The following ZNF682 variants were observed in gnomAD, a reference collection of about 807,000 sequenced individuals.
ZNF682 encodes zinc finger protein 682.
A neutral mutation model predicts 36.5 loss-of-function variants in ZNF682; 29 were observed. The ratio of observed to expected loss-of-function variants is 0.80; its 90% CI spans 0.59 to 1.08. The LOEUF (loss-of-function observed/expected upper bound fraction) is 1.08. Among genes scored for constraint, ZNF682 ranks in the 50% least tolerant of loss-of-function variants. The probability of loss-of-function intolerance (pLI) is 0.00; values close to 1 mark genes in which losing one functional copy is unlikely to be tolerated. For synonymous variants in ZNF682, 180 were observed against 197.0 expected, an observed-to-expected ratio of 0.91 and a Z score of 0.72; for missense variants, 561 against 579.7, an observed-to-expected ratio of 0.97 and a Z score of 0.33.
chr19:20,006,661 C>T lies in ZNF682; in HGVS notation c.841G>A (p.Gly281Arg). 6.2e-7 allele frequency: 1 copy of T among 1,613,990 alleles called. No individual in the cohort carries two copies. The highest frequency in any genetic ancestry group is 1.3e-5 in the African/African-American group (1 of 74,996). The change falls in exon 4 of 4, where the codon GGA (glycine) becomes AGA (arginine). Residue 281 changes from glycine (G) to arginine (R), a missense_variant. By Grantham distance (125) the Gly-to-Arg change is moderately radical. Coordinates refer to ENST00000397165, the MANE Select transcript of ZNF682 (RefSeq NM_033196.3). ...PFVRHKKIHT[G>R]EKPYTCEDCG... The stretch of plus-strand genomic sequence containing the variant: ...TCTTCACATGTATAGGGTTTTTCTC[C>T]TGTATGAATTTTCTTATGTCTAACA...
downstream of ZNF682, among the ~76,000 whole-genome samples, chr19:20,002,284 A>G (rs895123494): frequency 6.1e-5 from 9 of 147,196 alleles, no homozygotes; most frequent in Non-Finnish European, 3.0e-5. Flanking sequence ...TAGTAGAGAC[A>G]GGGTTTCACC....
chr19:20,006,194 C>T lies in ZNF682; in HGVS notation c.1308G>A (p.Arg436=). The T allele has an allele frequency of 1.9e-6, 3 of 1,613,450 alleles. No individual in the cohort carries two copies. The highest frequency in any genetic ancestry group is 2.5e-6 in the Non-Finnish European group (3 of 1,179,870). ...TCTTATGTCTAGTAAGGTGTGAGCA[C>T]CGATTAAAGGCTTTTCCACATTCTT... The part of the protein sequence containing the change: ...NCEECGKAFN[R]CSHLTRHKKI... The change falls in exon 4 of 4, where the codon CGG becomes CGA. Residue 436 remains arginine (R), a synonymous_variant. Coordinates refer to ENST00000397165, the MANE Select transcript of ZNF682 (RefSeq NM_033196.3).
At chr19:19,998,618 A>T (rs375874685) in intron 3 of ZNF682, among the ~76,000 whole-genome samples, 1 of 152,196 alleles carries the variant, frequency 6.6e-6, no homozygotes, top group South Asian at 2.1e-4. Context: ...CCTCATAAGA[A>T]GCTGGACTTC....
downstream of ZNF682, among the ~76,000 whole-genome samples, chr19:20,003,583 T>C (rs2088185620): frequency 1.3e-5 from 2 of 151,778 alleles, no homozygotes; most frequent in South Asian, 4.2e-4. Flanking sequence ...TGGGCACCTG[T>C]AGTCCCAGCT....
chr19:20,005,763 T>A lies in ZNF682; in HGVS notation c.*242A>T, dbSNP rs892679550. On this transcript the variant is annotated 3_prime_UTR_variant, in exon 4 of 4. Coordinates refer to ENST00000397165, the MANE Select transcript of ZNF682 (RefSeq NM_033196.3). ...CTTTTATCTAGCACAAAACCTCTGA[T>A]GAGTAAGTTCATAGTAGTTATTAAA... 14 of 493,952 alleles carry A rather than the reference T, an allele frequency of 2.8e-5. No homozygotes were observed. The highest frequency in any genetic ancestry group is 2.7e-4 in the African/African-American group (14 of 52,018). 30.6% of individuals were successfully genotyped at this position (493,952 alleles called of 1,614,324 possible). A position where few individuals can be genotyped will look rare whatever the true frequency, so the allele number is the denominator to read the frequency against.
Position 20,005,458 on chromosome 19 carries a change from G to A in ZNF682, c.*547C>T, listed in dbSNP as rs868296959. The stretch of plus-strand genomic sequence containing the variant: ...TTTCCAATGTAAATTATCTAAAATG[G>A]AATAAAATTTGAGCAACTGTTAGAG... On this transcript the variant is annotated 3_prime_UTR_variant, in exon 4 of 4. Transcript: ENST00000397165. 1 of 152,132 alleles carries A rather than the reference G, an allele frequency of 6.6e-6. No individual in the cohort carries two copies. The highest frequency in any genetic ancestry group is 2.4e-5 in the African/African-American group (1 of 41,360). The allele number at this position is 152,132 out of a possible 1,614,324, so 9.4% of individuals were successfully genotyped here.
chr19:20,007,471 C>T, intron 3 of ZNF682, 196 bp from the exon 4 acceptor site: 1 of 535,048 alleles, frequency 1.9e-6, no homozygotes, highest in Non-Finnish European at 3.2e-6. Flanking sequence ...TGAGAAAAAG[C>T]TTAATTCAGA....
At chr19:20,022,855 G>T in intron 3 of ZNF682, 149 bp downstream of exon 3, 1 of 664,490 alleles carries the variant, frequency 1.5e-6, no homozygotes. Context: ...GACAGAAGAT[G>T]CCTCTGTACA....
At chr19:20,011,803 C>A (rs902058499) in intron 3 of ZNF682, among the ~76,000 whole-genome samples, 1 of 151,876 alleles carries the variant, frequency 6.6e-6, no homozygotes, top group East Asian at 1.9e-4. Flanking sequence ...TTTGGGAGGC[C>A]GAGGCAGGCG....
chr19:20,036,807 AAAAAAAG>A lies in ZNF682; in HGVS notation c.3+2529_3+2535del, dbSNP rs1286018822. Among the ~76,000 whole-genome samples, 8 of 62,580 alleles carry A rather than the reference AAAAAAAG, an allele frequency of 1.3e-4. 1 individual carries two copies. The highest frequency in any genetic ancestry group is 7.9e-4 in the South Asian group (1 of 1,262). The allele number at this position is 62,580 out of a possible 152,430, so 41.1% of individuals were successfully genotyped here. A position where few individuals can be genotyped will look rare whatever the true frequency, so the allele number is the denominator to read the frequency against. ...CATGGTGAGATGCTGTCTCTATAAA[AAAAAAAG>A]AAAAAAAAAAAAAAAAAAAAATTAG... is the stretch of plus-strand genomic sequence containing the variant. On this transcript the variant is annotated intron_variant, in intron 1 of 3. Coordinates refer to ENST00000397165, the MANE Select transcript of ZNF682 (RefSeq NM_033196.3).
At chr19:19,996,119 A>G (rs1209958938), downstream of ZNF682, among the ~76,000 whole-genome samples, 1 of 152,216 alleles carries the variant, frequency 6.6e-6, no homozygotes, top group Non-Finnish European at 1.5e-5. Flanking sequence ...CTCAAGCTCT[A>G]TGTCCATCTG....
intron 1 of ZNF682, among the ~76,000 whole-genome samples, chr19:20,026,170 GT>G (rs1303762906): frequency 6.6e-6 from 1 of 152,012 alleles, no homozygotes; most frequent in Non-Finnish European, 1.5e-5. Flanking sequence ...AGGTGTGGTG[GT>G]GGGCGCCTGT....
At chr19:20,014,695 G>T (rs10423682) in intron 3 of ZNF682, among the ~76,000 whole-genome samples, 12,283 of 150,750 alleles carry the variant, frequency 0.081, 1,460 homozygotes, top group African/African-American at 0.26. Context: ...CAGGGGAATC[G>T]CTTGAACCTG....
At chr19:20,036,333 C>T (rs1319479) in intron 1 of ZNF682, among the ~76,000 whole-genome samples, 125,939 of 151,904 alleles carry the variant, frequency 0.83, 52,483 homozygotes, top group Middle Eastern at 0.92. Flanking sequence ...TTCGTGTTTT[C>T]TGAGACAAAG....
chr19:20,010,579 A>G (rs900602876), intron 3 of ZNF682, among the ~76,000 whole-genome samples: 2 of 152,096 alleles, frequency 1.3e-5, no homozygotes, highest in Admixed American at 1.3e-4. Context: ...GAATCACTTG[A>G]ACCTGGGAGT....
chr19:20,023,654 T>G (rs1009240180), intron 2 of ZNF682, among the ~76,000 whole-genome samples: 2 of 151,888 alleles, frequency 1.3e-5, no homozygotes, highest in Non-Finnish European at 2.9e-5. Flanking sequence ...TCAATAATAT[T>G]TTATAAAGGA....
Position 20,006,179 on chromosome 19 carries a change from A to G in ZNF682, c.1323T>C (p.Thr441=), listed in dbSNP as rs765363888. 3 of 1,613,106 alleles carry G rather than the reference A, an allele frequency of 1.9e-6. No individual in the cohort carries two copies. The East Asian group carries it at 6.7e-5, about 36-fold the overall frequency. Residue 441 remains threonine (T), a synonymous_variant, in exon 4 of 4, where the codon ACT becomes ACC. Transcript: ENST00000397165. The part of the protein sequence containing the change: ...GKAFNRCSHL[T]RHKKIHTAVK... ...CGGCAGTATGAATTTTCTTATGTCT[A>G]GTAAGGTGTGAGCACCGATTAAAGG...
chr19:20,001,390 A>G (rs1329137582), downstream of ZNF682, among the ~76,000 whole-genome samples: 1 of 152,222 alleles, frequency 6.6e-6, no homozygotes, highest in Non-Finnish European at 1.5e-5. Flanking sequence ...TGTTCCTGCA[A>G]TGTGTCATCT....
downstream of ZNF682, among the ~76,000 whole-genome samples, chr19:20,003,134 T>G (rs1054169639): frequency 3.3e-5 from 4 of 119,632 alleles, no homozygotes; most frequent in East Asian, 2.6e-4. Context: ...GAGCTTGCAG[T>G]GAGCCGAGAT....
Sources: gnomAD v4.1 joint callset for allele counts (sites outside exome capture counted in the v4.1 genomes callset) on GRCh38, gnomAD v4.1.1 for gene constraint, MANE v1.5 for transcripts, NCBI Gene and HGNC (gene_info 2026-07-23, HGNC 2026-07-21) for gene names.